GLCE: variants seen among roughly 807,000 people sequenced by gnomAD.
GLCE encodes the protein D-glucuronyl C5-epimerase.
Under a neutral mutation model 47.9 loss-of-function variants are expected in GLCE, and 19 were observed. The ratio of observed to expected loss-of-function variants is 0.40; its 90% CI spans 0.28 to 0.58. The LOEUF (loss-of-function observed/expected upper bound fraction) is 0.58. Ranked by LOEUF, GLCE falls within the 20% of genes least tolerant of loss-of-function variation. The pLI, the probability that GLCE is intolerant of heterozygous loss-of-function variation, is 0.48. For synonymous variants in GLCE, 245 were observed against 263.4 expected (o/e 0.93, Z 0.68); for missense variants, 556 against 743.3 (o/e 0.75, Z 2.93).
At chr15:69,266,730 T>G in intron 4 of GLCE, 1 of 945,340 alleles carries the variant, frequency 1.1e-6, no homozygotes, top group Non-Finnish European at 1.3e-6. Context: ...CTATTGAATA[T>G]TCTCATAAGA....
chr15:69,256,252 A>G lies in GLCE; in HGVS notation c.446A>G (p.Tyr149Cys), dbSNP rs1355473285. The change falls in exon 3 of 5, where the codon TAT becomes TGT. Residue 149 changes from tyrosine (Y) to cysteine (C), a missense_variant. By Grantham distance (194) the Tyr-to-Cys change is radical. Around this residue, in one of 3 missense-constraint regions of GLCE, gnomAD observed 237 missense variants for 310.9 expected, o/e 0.76. Coordinates refer to ENST00000261858, the MANE Select transcript of GLCE (RefSeq NM_015554.3). ...GGAAAGGTGGTTCAGTATGATGGCTATGATCGGTTTGAATTCTCTCATAGC... is the reference window on the plus strand; with the variant it reads ...GGAAAGGTGGTTCAGTATGATGGCTGTGATCGGTTTGAATTCTCTCATAGC... ...VYGKVVQYDG[Y>C]DRFEFSHSYS... is the part of the protein sequence containing the mutation. 6.2e-7 allele frequency: 1 copy of G among 1,614,100 alleles called. No homozygotes were observed. Among genetic ancestry groups the G allele is most frequent in the Middle Eastern group, 1.6e-4 (1 of 6,062 alleles).
At chr15:69,163,620 A>T (rs2140320630) in intron 1 of GLCE, among the ~76,000 whole-genome samples, 1 of 152,346 alleles carries the variant, frequency 6.6e-6, no homozygotes, top group East Asian at 1.9e-4. Context: ...ACGTAAGCAT[A>T]CAAAAGCCTA....
At chr15:69,234,168 A>C (rs1326394295) in intron 2 of GLCE, among the ~76,000 whole-genome samples, 1 of 151,860 alleles carries the variant, frequency 6.6e-6, no homozygotes, top group African/African-American at 2.4e-5. Context: ...AGTAGAGAGG[A>C]GGTTTCACCA....
intron 2 of GLCE, among the ~76,000 whole-genome samples, chr15:69,231,305 A>C (rs1466187199): frequency 7.0e-6 from 1 of 142,768 alleles, no homozygotes; most frequent in East Asian, 2.1e-4. Flanking sequence ...TTTTTTTGAG[A>C]TGGAGTCTCG....
intron 1 of GLCE, among the ~76,000 whole-genome samples, chr15:69,209,415 C>T (rs1210137245): frequency 6.7e-6 from 1 of 149,896 alleles, no homozygotes; most frequent in East Asian, 2.0e-4. Flanking sequence ...TTTTAGTAGA[C>T]AGTCAACCCA....
In GLCE at chr15:69,165,787, C is replaced by CT. The variant is rs1423533972; in HGVS notation, c.-105+5031dup. Among the ~76,000 whole-genome samples the CT allele has an allele frequency of 2.0e-5, 3 of 152,106 alleles. 1 individual carries two copies. The highest frequency in any genetic ancestry group is 6.5e-5 in the Admixed American group (1 of 15,280). On this transcript the variant is annotated intron_variant, in intron 1 of 4. Transcript: ENST00000261858. Reference sequence around the variant, plus strand: ...TTGGCTATCATTACATGTTTGAACTCTCAGTACCAAGATTGATGTGTTCAT... The same window carrying CT: ...TTGGCTATCATTACATGTTTGAACTCTTCAGTACCAAGATTGATGTGTTCAT...
chr15:69,229,513 T>C (rs2052491877), intron 2 of GLCE, among the ~76,000 whole-genome samples: 1 of 152,184 alleles, frequency 6.6e-6, no homozygotes, highest in South Asian at 2.1e-4. Flanking sequence ...TGAGTGTATA[T>C]GAATGGATAT....
intron 1 of GLCE, among the ~76,000 whole-genome samples, chr15:69,170,739 A>G (rs2051577032): frequency 6.6e-6 from 1 of 152,260 alleles, no homozygotes; most frequent in Non-Finnish European, 1.5e-5. Context: ...CAGAAGGAAG[A>G]AAAGCAGGGT....
chr15:69,211,647 A>G (rs1482333887), intron 2 of GLCE, among the ~76,000 whole-genome samples: 1 of 152,002 alleles, frequency 6.6e-6, no homozygotes, highest in Non-Finnish European at 1.5e-5. Flanking sequence ...AGAAAAAAAA[A>G]AGTATATTTT....
In GLCE at chr15:69,160,726, C is replaced by G. The variant is rs1378979831; in HGVS notation, c.-136C>G. The stretch of plus-strand genomic sequence containing the variant: ...CTGTCTCCTTCTCTTCCTCAGGGCT[C>G]CCGTGTCTGCTCGCCCTCCGACGCT... On this transcript the variant is annotated 5_prime_UTR_variant, in exon 1 of 5. Coordinates refer to ENST00000261858, the MANE Select transcript of GLCE (RefSeq NM_015554.3). This position sits in a 1 kb window ranked among gnomAD's most constrained non-coding sequence, Gnocchi z 4.2. 6.5e-6 allele frequency: 1 copy of G among 152,810 alleles called. No individual in the cohort carries two copies. Among genetic ancestry groups the G allele is most frequent in the Non-Finnish European group, 1.5e-5 (1 of 68,218 alleles). The allele number at this position is 152,810 out of a possible 1,614,324, so 9.5% of individuals were successfully genotyped here.
intron 1 of GLCE, among the ~76,000 whole-genome samples, chr15:69,183,230 A>C (rs1024728430): frequency 2.0e-5 from 3 of 152,192 alleles, no homozygotes; most frequent in African/African-American, 7.2e-5. Context: ...TTATGAAAAT[A>C]ATGATGGTGT....
intron 2 of GLCE, among the ~76,000 whole-genome samples, chr15:69,238,996 T>C (rs1431857099): frequency 1.3e-5 from 2 of 152,258 alleles, no homozygotes; most frequent in East Asian, 3.9e-4. Flanking sequence ...GAGAGAGTGA[T>C]TAATTTGTAC....
chr15:69,201,502 T>G (rs1455791493), intron 1 of GLCE, among the ~76,000 whole-genome samples: 2 of 151,566 alleles, frequency 1.3e-5, no homozygotes. Flanking sequence ...GTAAAACATA[T>G]AGCATTGCTT....
intron 2 of GLCE, among the ~76,000 whole-genome samples, chr15:69,237,732 A>G (rs1464737240): frequency 6.6e-6 from 1 of 152,198 alleles, no homozygotes; most frequent in East Asian, 1.9e-4. Flanking sequence ...TCCTTTAGAC[A>G]TTCCAGTTTG....
At chr15:69,240,973 G>T (rs1382002498) in intron 2 of GLCE, among the ~76,000 whole-genome samples, 1 of 152,160 alleles carries the variant, frequency 6.6e-6, no homozygotes, top group Admixed American at 6.5e-5. Context: ...GAGCAGGCTT[G>T]TTGCCAAACA....
In GLCE at chr15:69,261,274, G is replaced by A; in HGVS notation, c.774G>A (p.Met258Ile). The A allele has an allele frequency of 1.9e-6, 3 of 1,614,032 alleles. No individual in the cohort carries two copies. Among genetic ancestry groups the A allele is most frequent in the Non-Finnish European group, 2.5e-6 (3 of 1,179,980 alleles). ...GGACTGTGCCAAAGGGCTGCTTTAT[G>A]GCGAATGTGGCTGATAAGTCTAGAT... ...NDWTVPKGCFMANVADKSRFT... is the reference protein window; with the variant it reads ...NDWTVPKGCFIANVADKSRFT... Residue 258 changes from methionine (M) to isoleucine (I), a missense_variant, in exon 4 of 5, where the codon ATG becomes ATA. Around this residue, in one of 3 missense-constraint regions of GLCE, gnomAD observed 74 missense variants for 64.4 expected, o/e 1.15. Transcript: ENST00000261858.
At chr15:69,186,529 G>A (rs1595743345) in intron 1 of GLCE, among the ~76,000 whole-genome samples, 1 of 152,172 alleles carries the variant, frequency 6.6e-6, no homozygotes, top group South Asian at 2.1e-4. Flanking sequence ...TAAACTGTAG[G>A]CAGTTAAAGA....
chr15:69,221,730 G>A (rs1566960115), intron 2 of GLCE, among the ~76,000 whole-genome samples: 1 of 151,978 alleles, frequency 6.6e-6, no homozygotes. Context: ...GGACGTGGTG[G>A]TGGGCACCCA....
rs191109413 is a variant in GLCE at position 69,194,254 on chromosome 15, C to T, written c.-104-16062C>T. On this transcript the variant is annotated intron_variant, in intron 1 of 4. Transcript: ENST00000261858. ...CTTCAAAAATGAATCTAGATTTATA[C>T]TAAGGAATTTTAATATGGGTCAGAG... Among the ~76,000 whole-genome samples the T allele has an allele frequency of 9.7e-4, 147 of 152,206 alleles. 1 individual carries two copies. In the South Asian group the frequency reaches 0.014, roughly 14 times the overall value.
Sources: gnomAD v4.1 joint callset for allele counts (sites outside exome capture counted in the v4.1 genomes callset) on GRCh38, gnomAD v4.1.1 for gene constraint, gnomAD v4.1.1 regional missense constraint, Gnocchi (gnomAD v3.1) non-coding constraint, MANE v1.5 for transcripts, NCBI Gene and HGNC (gene_info 2026-07-23, HGNC 2026-07-21) for gene names.